SRGAP2C: variants seen among roughly 807,000 people sequenced by gnomAD.
SRGAP2C encodes SLIT-ROBO Rho GTPase-activating protein 2C.
A neutral mutation model predicts 25.1 loss-of-function variants in SRGAP2C; 15 were observed. That is an observed-to-expected ratio of 0.60 (90% CI 0.40 to 0.92). The LOEUF (loss-of-function observed/expected upper bound fraction) is 0.92. Ranked by LOEUF, SRGAP2C falls within the 40% of genes least tolerant of loss-of-function variation. SRGAP2C has a pLI of 0.00. For missense variants in SRGAP2C, 144 were observed against 264.4 expected, an observed-to-expected ratio of 0.54 and a Z score of 3.16; for synonymous variants, 44 against 96.6, an observed-to-expected ratio of 0.46 and a Z score of 3.19.
chr1:121,185,569 T>A lies in SRGAP2C; in HGVS notation c.-543+445T>A. 2 of 283,956 alleles carry A rather than the reference T, an allele frequency of 7.0e-6. 1 individual carries two copies. Among genetic ancestry groups the A allele is most frequent in the South Asian group, 4.9e-5 (2 of 40,692 alleles). 17.6% of individuals were successfully genotyped at this position (283,956 alleles called of 1,614,324 possible). ...CAGGAGGATGGGTGTTCCGCGCAGC[T>A]TCCGGGGCTCTCCCCGAGTCCCACC... On this transcript the variant is annotated intron_variant, in intron 1 of 9. Transcript: ENST00000367123.
intron 8 of SRGAP2C, among the ~76,000 whole-genome samples, chr1:121,385,840 G>A (rs1420812310): frequency 1.1e-4 from 16 of 150,542 alleles, no homozygotes; most frequent in Non-Finnish European, 8.9e-5. Flanking sequence ...CCTTCACACA[G>A]GGGAAAGCTA....
In SRGAP2C at chr1:121,391,973, CAG is replaced by C. The variant is rs1660105737; in HGVS notation, c.*4120_*4121del. ...AACATAAACAAAGAAATAAAGGAATCAGAAAAAATATTAAAAAGTAGGAATAT... is the reference window on the plus strand; with the variant it reads ...AACATAAACAAAGAAATAAAGGAATCAAAAAATATTAAAAAGTAGGAATAT... On this transcript the variant is annotated 3_prime_UTR_variant, in exon 10 of 10. Coordinates refer to ENST00000367123, the MANE Select transcript of SRGAP2C (RefSeq NM_001329984.2). 1 of 152,280 alleles carries C rather than the reference CAG, an allele frequency of 6.6e-6. No individual in the cohort carries two copies. The highest frequency in any genetic ancestry group is 2.4e-5 in the African/African-American group (1 of 41,482). The allele number at this position is 152,280 out of a possible 1,614,324, so 9.4% of individuals were successfully genotyped here.
intron 3 of SRGAP2C, among the ~76,000 whole-genome samples, chr1:121,309,297 AT>A (rs1482614772): frequency 1.5e-5 from 2 of 135,630 alleles, no homozygotes; most frequent in South Asian, 2.5e-4. Flanking sequence ...TTATTTATTT[AT>A]TTTTTTAAAA....
At chr1:121,282,901 G>A (rs1358638691) in intron 2 of SRGAP2C, among the ~76,000 whole-genome samples, 5 of 150,688 alleles carry the variant, frequency 3.3e-5, no homozygotes, top group African/African-American at 7.3e-5. Flanking sequence ...ATATTAGTAA[G>A]CATTCTGAAT....
chr1:121,217,691 C>G (rs1451415484), intron 2 of SRGAP2C, among the ~76,000 whole-genome samples: 2 of 152,210 alleles, frequency 1.3e-5, no homozygotes, highest in African/African-American at 4.8e-5. Flanking sequence ...CTTCTCTTGA[C>G]AGACTGCATC....
rs1203302804 is a variant in SRGAP2C, at chr1:121,223,963, G to T, written c.67+36450G>T. Among the ~76,000 whole-genome samples the T allele has an allele frequency of 4.0e-4, 59 of 147,496 alleles. 1 individual carries two copies. The highest frequency in any genetic ancestry group is 2.2e-3 in the Admixed American group (32 of 14,626). ...ATATAAAAACCTCAAAGTTATTAAT[G>T]GAAATGTCACTACTCACCTCATTTT... is the stretch of plus-strand genomic sequence containing the variant. On this transcript the variant is annotated intron_variant, in intron 2 of 9. Coordinates refer to ENST00000367123, the MANE Select transcript of SRGAP2C (RefSeq NM_001329984.2).
intron 2 of SRGAP2C, among the ~76,000 whole-genome samples, chr1:121,239,020 A>ATTGCCTC (rs1656029095): frequency 7.7e-6 from 1 of 130,616 alleles, no homozygotes; most frequent in Non-Finnish European, 1.6e-5. Flanking sequence ...ACTAGAGGCA[A>ATTGCCTC]TAACAGTTTA....
intron 2 of SRGAP2C, among the ~76,000 whole-genome samples, chr1:121,216,498 G>A (rs1570712235): frequency 6.6e-6 from 1 of 150,520 alleles, no homozygotes; most frequent in South Asian, 2.1e-4. Flanking sequence ...AAACTTTTTG[G>A]AGCTATTTCA....
Position 121,211,232 on chromosome 1 carries a change from A to G in SRGAP2C, c.67+23719A>G, listed in dbSNP as rs1442184425. On this transcript the variant is annotated intron_variant, in intron 2 of 9. Transcript: ENST00000367123. ...TCTTTTCTTCTTTCAGGATTTCTAT[A>G]GCTTCTTTTAGAGACTCAAAGTGCT... 4.0e-5 allele frequency among the ~76,000 whole-genome samples: 6 copies of G among 151,120 alleles called. No homozygotes were observed. The East Asian group carries it at 1.2e-3, about 30-fold the overall frequency.
intron 2 of SRGAP2C, among the ~76,000 whole-genome samples, chr1:121,194,682 CA>C (rs1191343149): frequency 4.9e-5 from 4 of 81,534 alleles, no homozygotes; most frequent in African/African-American, 5.1e-5. Flanking sequence ...GACTCCATTT[CA>C]AAAAAAAATT....
chr1:121,315,365 C>G lies in SRGAP2C; in HGVS notation c.261-9113C>G, dbSNP rs1341186941. Among the ~76,000 whole-genome samples the G allele has an allele frequency of 3.5e-3, 502 of 144,962 alleles. 7 individuals carry two copies. The highest frequency in any genetic ancestry group is 0.012 in the African/African-American group (465 of 39,378). ...TTTGAGACCCAGAATGCATTTGTGACTTGCCCAAAGTTATCTGGCTAGTAA... is the reference window on the plus strand; with the variant it reads ...TTTGAGACCCAGAATGCATTTGTGAGTTGCCCAAAGTTATCTGGCTAGTAA... On this transcript the variant is annotated intron_variant, in intron 3 of 9. Transcript: ENST00000367123.
intron 3 of SRGAP2C, among the ~76,000 whole-genome samples, chr1:121,295,792 G>A (rs1424818053): frequency 7.9e-5 from 12 of 151,758 alleles, no homozygotes; most frequent in South Asian, 2.1e-4. Context: ...ATGGAGTTTC[G>A]CTCTTGTTGC....
In SRGAP2C at chr1:121,328,889, TAA is replaced by T. The variant is rs1300958463; in HGVS notation, c.423+4264_423+4265del. On this transcript the variant is annotated intron_variant, in intron 4 of 9. Transcript: ENST00000367123. Reference sequence around the variant, plus strand: ...GTAACAGAGCCAGACCCTGTCTGTTTAAAAAAAAAAAAAAAACAAAAAACAAA... The same window carrying T: ...GTAACAGAGCCAGACCCTGTCTGTTTAAAAAAAAAAAAAACAAAAAACAAA... 4.4e-3 allele frequency among the ~76,000 whole-genome samples: 332 copies of T among 75,210 alleles called. 7 individuals are homozygous for T. Among genetic ancestry groups the T allele is most frequent in the South Asian group, 0.028 (50 of 1,774 alleles). 49.3% of individuals were successfully genotyped at this position (75,210 alleles called of 152,430 possible).
intron 8 of SRGAP2C, among the ~76,000 whole-genome samples, chr1:121,383,380 G>C (rs587627936): frequency 6.6e-6 from 1 of 152,092 alleles, no homozygotes; most frequent in East Asian, 1.9e-4. Context: ...GGCTTTAGTG[G>C]GGAAGCGAGG....
rs1471396542 is a variant in SRGAP2C, at chr1:121,391,542, C to A, written c.*3687C>A. The A allele has an allele frequency of 6.6e-6, 1 of 152,312 alleles. No individual in the cohort carries two copies. The highest frequency in any genetic ancestry group is 1.5e-5 in the Non-Finnish European group (1 of 68,058). The allele number at this position is 152,312 out of a possible 1,614,324, so 9.4% of individuals were successfully genotyped here. A position where few individuals can be genotyped will look rare whatever the true frequency, so the allele number is the denominator to read the frequency against. On this transcript the variant is annotated 3_prime_UTR_variant, in exon 10 of 10. Coordinates refer to ENST00000367123, the MANE Select transcript of SRGAP2C (RefSeq NM_001329984.2). ...GCCTGTTTGATTGGTTCCTGACATA[C>A]CAGAAAATCACTGTCAAAACATTAG...
chr1:121,295,679 G>A (rs1176372603), intron 3 of SRGAP2C, among the ~76,000 whole-genome samples: 1 of 151,998 alleles, frequency 6.6e-6, no homozygotes, highest in African/African-American at 2.4e-5. Context: ...TTTTGACTTG[G>A]GTGATTGATA....
intron 2 of SRGAP2C, among the ~76,000 whole-genome samples, chr1:121,235,045 G>A (rs1288647962): frequency 4.3e-5 from 6 of 139,022 alleles, no homozygotes; most frequent in Non-Finnish European, 6.1e-5. Context: ...TTTTTGAGGC[G>A]GAGTCTCGCT....
At chr1:121,287,729 G>A (rs1334130355) in intron 3 of SRGAP2C, among the ~76,000 whole-genome samples, 1 of 152,174 alleles carries the variant, frequency 6.6e-6, no homozygotes, top group Non-Finnish European at 1.5e-5. Flanking sequence ...TCTTAAGGTG[G>A]TGTGTCTGGA....
intron 4 of SRGAP2C, among the ~76,000 whole-genome samples, chr1:121,346,760 G>C (rs1272647319): frequency 6.6e-6 from 1 of 152,028 alleles, no homozygotes; most frequent in African/African-American, 2.4e-5. Context: ...GATGTGAGCT[G>C]ATTAAACTGG....
Sources: gnomAD v4.1 joint callset for allele counts (sites outside exome capture counted in the v4.1 genomes callset) on GRCh38, gnomAD v4.1.1 for gene constraint, MANE v1.5 for transcripts, NCBI Gene and HGNC (gene_info 2026-07-23, HGNC 2026-07-21) for gene names.